The following DOT1L variants were observed in gnomAD, a reference collection of about 807,000 sequenced individuals.
DOT1L encodes the protein histone-lysine N-methyltransferase, H3 lysine-79 specific.
In DOT1L, 33 loss-of-function variants were observed where a neutral mutation model predicts 153.3. The observed-to-expected ratio is 0.22, with a 90% CI of 0.16 to 0.29. The LOEUF is 0.29. Ranked by LOEUF, DOT1L falls within the 10% of genes least tolerant of loss-of-function variation. The pLI, the probability that DOT1L is intolerant of heterozygous loss-of-function variation, is 1.00. For missense variants in DOT1L, 1,847 were observed against 2,119.9 expected (o/e 0.87, Z 2.53); for synonymous variants, 1,135 against 965.1 (o/e 1.18, Z -3.26).
rs2023551502 is a variant in DOT1L at position 2,207,571 on chromosome 19, C to T, written c.857-3C>T. ...GCCCCGGCCTCACCTGTGGCTCCTG[C>T]AGACATCGGCACCATCATGCGCGTG... On this transcript the variant is annotated splice_region_variant and splice_polypyrimidine_tract_variant and intron_variant, in intron 10 of 27. Transcript: ENST00000398665. The surrounding 1 kb of genome is among the most constrained non-coding windows in gnomAD (Gnocchi z 4.5). 2 of 1,607,962 alleles carry T rather than the reference C, an allele frequency of 1.2e-6. No homozygotes were observed. Among genetic ancestry groups the T allele is most frequent in the African/African-American group, 2.7e-5 (2 of 74,936 alleles).
rs199515119 is a variant in DOT1L, at chr19:2,194,489, C to T, written c.589-26C>T. On this transcript the variant is annotated intron_variant, in intron 6 of 27. Transcript: ENST00000398665. ...CCTGGCTTGCCCTGAGAGTTTGTAA[C>T]GGGCGTTTGGTTTCTTTCCTTCCAG... is the stretch of plus-strand genomic sequence containing the variant. 1.3e-4 allele frequency: 210 copies of T among 1,613,740 alleles called. No homozygotes were observed. The Middle Eastern group carries it at 2.0e-3, about 15-fold the overall frequency.
chr19:2,192,135 G>A (rs1311983605), intron 5 of DOT1L, among the ~76,000 whole-genome samples: 3 of 152,182 alleles, frequency 2.0e-5, no homozygotes, highest in South Asian at 2.1e-4. Flanking sequence ...CGAGCCCCAC[G>A]TCTGCCCCCT....
rs1177510598 is a variant in DOT1L at position 2,217,618 on chromosome 19, A to G, written c.2545-154A>G. 6.6e-6 allele frequency among the ~76,000 whole-genome samples: 1 copy of G among 152,106 alleles called. No homozygotes were observed. Among genetic ancestry groups the G allele is most frequent in the East Asian group, 1.9e-4 (1 of 5,184 alleles). On this transcript the variant is annotated intron_variant, in intron 21 of 27. Transcript: ENST00000398665. This position sits in a 1 kb window ranked among gnomAD's most constrained non-coding sequence, Gnocchi z 7.3. ...CTGGAGTGTCCCAAAGCCGGTGTCC[A>G]GGAGGGCCTGACTGCGTGGGGAAGG...
intron 1 of DOT1L, among the ~76,000 whole-genome samples, chr19:2,168,111 G>A (rs1001384059): frequency 4.6e-5 from 7 of 152,206 alleles, no homozygotes; most frequent in African/African-American, 1.7e-4. Context: ...GGGGCACAGA[G>A]GACAACAAGC....
intron 27 of DOT1L, chr19:2,228,078 C>T (rs978212567): frequency 1.5e-6 from 2 of 1,330,930 alleles, no homozygotes; most frequent in African/African-American, 3.0e-5. Context: ...CCTCGCGTCC[C>T]TCCCGCCTAA....
At chr19:2,169,821 G>A (rs1484241562) in intron 1 of DOT1L, among the ~76,000 whole-genome samples, 1 of 152,168 alleles carries the variant, frequency 6.6e-6, no homozygotes. Flanking sequence ...GCTCGACAGT[G>A]TGAATCTACA....
At position 2,193,817 on chromosome 19, in the gene DOT1L, G is replaced by T; in HGVS notation, c.588+34G>T. The T allele has an allele frequency of 6.2e-7, 1 of 1,603,296 alleles. No homozygotes were observed. The highest frequency in any genetic ancestry group is 8.5e-7 in the Non-Finnish European group (1 of 1,173,164). On this transcript the variant is annotated intron_variant, in intron 6 of 27. Transcript: ENST00000398665. This position sits in a 1 kb window ranked among gnomAD's most constrained non-coding sequence, Gnocchi z 5.9. ...ATCTGAGGGCCAGGGTGTGTTGGAG[G>T]CAGGGGACCATCAGAGAAAGTGACG...
In DOT1L at chr19:2,191,916, C is replaced by T. The variant is rs1006687877; in HGVS notation, c.493+676C>T. On this transcript the variant is annotated intron_variant, in intron 5 of 27. Transcript: ENST00000398665. The surrounding 1 kb of genome is among the most constrained non-coding windows in gnomAD (Gnocchi z 6.8). Reference sequence around the variant, plus strand: ...GCCCTAGGTGTGTCTTCAGCAGCAGCGTGGCCTGGCTGAAGCACAGATGAG... The same window carrying T: ...GCCCTAGGTGTGTCTTCAGCAGCAGTGTGGCCTGGCTGAAGCACAGATGAG... Among the ~76,000 whole-genome samples, 9 of 152,176 alleles carry T rather than the reference C, an allele frequency of 5.9e-5. No homozygotes were observed. Among genetic ancestry groups the T allele is most frequent in the African/African-American group, 1.9e-4 (8 of 41,440 alleles).
Position 2,190,891 on chromosome 19 carries a change from G to GCCC in DOT1L, c.265-121_265-120insCCC. On this transcript the variant is annotated intron_variant, in intron 4 of 27. Coordinates refer to ENST00000398665, the MANE Select transcript of DOT1L (RefSeq NM_032482.3). This position sits in a 1 kb window ranked among gnomAD's most constrained non-coding sequence, Gnocchi z 4.8. The stretch of plus-strand genomic sequence containing the variant: ...CTGGGAGCCCGGCAGCCACCCTGCA[G>GCCC]GGGGACGAGAGGCCATGCAGCCGAC... 3 of 922,794 alleles carry GCCC rather than the reference G, an allele frequency of 3.3e-6. No homozygotes were observed. The Admixed American group carries it at 7.1e-5, about 22-fold the overall frequency. 57.2% of individuals were successfully genotyped at this position (922,794 alleles called of 1,614,324 possible).
chr19:2,209,350 C>T (rs922816981), intron 12 of DOT1L, among the ~76,000 whole-genome samples: 3 of 152,224 alleles, frequency 2.0e-5, no homozygotes, highest in Non-Finnish European at 4.4e-5. Context: ...GACATCCTTC[C>T]CCTTGTTAAT....
At chr19:2,173,501 G>A (rs1273444250) in intron 1 of DOT1L, among the ~76,000 whole-genome samples, 2 of 152,218 alleles carry the variant, frequency 1.3e-5, no homozygotes, top group Non-Finnish European at 2.9e-5. Flanking sequence ...TCCTCGGGGA[G>A]CAGGCAGAGG....
intron 27 of DOT1L, chr19:2,228,651 C>G (rs1347107423): frequency 1.0e-6 from 1 of 985,294 alleles, no homozygotes; most frequent in African/African-American, 1.7e-5. Flanking sequence ...CTGGGGGCAG[C>G]TGTGCCAGCC....
At chr19:2,202,866 G>A in intron 9 of DOT1L, 87 bp downstream of exon 9, 1 of 1,392,512 alleles carries the variant, frequency 7.2e-7, no homozygotes, top group Non-Finnish European at 1.0e-6. Context: ...TCCTGCAGAA[G>A]GCAGCTCAGA....
rs1246937168 is a variant in DOT1L at position 2,222,906 on chromosome 19, G to T, written c.3390+347G>T. 5 of 403,422 alleles carry T rather than the reference G, an allele frequency of 1.2e-5. No homozygotes were observed. The highest frequency in any genetic ancestry group is 1.0e-4 in the African/African-American group (5 of 48,496). 25.0% of individuals were successfully genotyped at this position (403,422 alleles called of 1,614,324 possible). Reference sequence around the variant, plus strand: ...ACAAAAAAAAACACAAAAAAAAACAGGTGGAGGCAGGGGGCCATGACTGAG... The same window carrying T: ...ACAAAAAAAAACACAAAAAAAAACATGTGGAGGCAGGGGGCCATGACTGAG... On this transcript the variant is annotated intron_variant, in intron 24 of 27. Coordinates refer to ENST00000398665, the MANE Select transcript of DOT1L (RefSeq NM_032482.3). This position sits in a 1 kb window ranked among gnomAD's most constrained non-coding sequence, Gnocchi z 6.5.
At chr19:2,227,989 C>A in intron 27 of DOT1L, 2 of 1,272,218 alleles carry the variant, frequency 1.6e-6, no homozygotes, top group East Asian at 5.8e-5. Flanking sequence ...GTCCTCCACG[C>A]CCCCCCTCCA....
chr19:2,211,683 C>A (rs994939858), intron 15 of DOT1L, 68 bp from the exon 16 acceptor site: 39 of 1,384,674 alleles, frequency 2.8e-5, no homozygotes, highest in Non-Finnish European at 3.9e-5. Context: ...TTCTCAAGGG[C>A]TGCTCCCACC....
rs532858779 is a variant in DOT1L, at chr19:2,207,544, A to G, written c.857-30A>G. 3 of 1,587,478 alleles carry G rather than the reference A, an allele frequency of 1.9e-6. No homozygotes were observed. Among genetic ancestry groups the G allele is most frequent in the East Asian group, 2.2e-5 (1 of 44,652 alleles). On this transcript the variant is annotated intron_variant, in intron 10 of 27. Transcript: ENST00000398665. This position sits in a 1 kb window ranked among gnomAD's most constrained non-coding sequence, Gnocchi z 4.5. ...GCATGGAGGGGCTGTGGGCAGGCGCAGGCCCCGGCCTCACCTGTGGCTCCT... is the reference window on the plus strand; with the variant it reads ...GCATGGAGGGGCTGTGGGCAGGCGCGGGCCCCGGCCTCACCTGTGGCTCCT...
intron 1 of DOT1L, among the ~76,000 whole-genome samples, chr19:2,166,213 C>T (rs570597675): frequency 9.9e-5 from 15 of 151,946 alleles, no homozygotes; most frequent in Admixed American, 8.5e-4. Flanking sequence ...TCTCCTGCCT[C>T]GGCCTCCCTG....
intron 3 of DOT1L, among the ~76,000 whole-genome samples, chr19:2,188,631 G>A (rs910662573): frequency 6.6e-6 from 1 of 152,114 alleles, no homozygotes; most frequent in African/African-American, 2.4e-5. Flanking sequence ...CACATTCCTG[G>A]GGTCCCCGGT....
Sources: allele counts gnomAD v4.1 joint callset (sites outside exome capture counted in the v4.1 genomes callset), GRCh38; gene constraint gnomAD v4.1.1; non-coding constraint Gnocchi (gnomAD v3.1); transcripts MANE v1.5; gene names NCBI Gene and HGNC (gene_info 2026-07-23, HGNC 2026-07-21).